The following GLRA2 variants were observed in gnomAD, a reference collection of about 807,000 sequenced individuals.
GLRA2 encodes the protein glycine receptor alpha 2.
Under a neutral mutation model 31.6 loss-of-function variants are expected in GLRA2, and 11 were observed. That is an observed-to-expected ratio of 0.35 (90% confidence interval 0.22 to 0.58). The LOEUF is 0.58. GLRA2 is among the 20% of genes least tolerant of loss of function. GLRA2 has a pLI of 0.84. For missense variants in GLRA2, 212 were observed against 351.8 expected (o/e 0.60, Z 3.18); for synonymous variants, 132 against 134.0 (o/e 0.99, Z 0.10).
At chrX:14,488,767 A>C in the GLRA2 span, among the ~76,000 whole-genome samples, 2 of 112,773 alleles carry the variant, frequency 1.8e-5, no homozygotes, top group South Asian at 7.2e-4. Context: ...ACAAGTATTC[A>C]TAGCTATAAC....
At chrX:14,672,725 T>C (rs2091106756) in intron 7 of GLRA2, among the ~76,000 whole-genome samples, 1 of 112,073 alleles carries the variant, frequency 8.9e-6, no homozygotes, top group South Asian at 3.7e-4. Context: ...CCACATTAAT[T>C]ACAAACCTTT....
chrX:14,489,125 T>C, the GLRA2 span, among the ~76,000 whole-genome samples: 1 of 112,383 alleles, frequency 8.9e-6, no homozygotes, highest in African/African-American at 3.2e-5. Flanking sequence ...GGTTAATATA[T>C]GGTGGTTATT....
Position 14,529,727 on chromosome X carries a change from C to T in GLRA2, c.-331C>T. On this transcript the variant is annotated 5_prime_UTR_variant, in exon 1 of 9. Coordinates refer to ENST00000218075, the MANE Select transcript of GLRA2 (RefSeq NM_002063.4). Reference sequence around the variant, plus strand: ...CAAAAGCCACAGCTATCTAGCATGGCATTGTCACCAACTCCCTTTGCATGG... The same window carrying T: ...CAAAAGCCACAGCTATCTAGCATGGTATTGTCACCAACTCCCTTTGCATGG... 3.6e-6 allele frequency: 1 copy of T among 275,383 alleles called. No homozygotes were observed. Among genetic ancestry groups the T allele is most frequent in the Non-Finnish European group, 6.3e-6 (1 of 158,416 alleles). 22.7% of individuals were successfully genotyped at this position (275,383 alleles called of 1,213,427 possible). A position where few individuals can be genotyped will look rare whatever the true frequency, so the allele number is the denominator to read the frequency against.
the GLRA2 span, among the ~76,000 whole-genome samples, chrX:14,513,110 C>T: frequency 1.8e-5 from 2 of 111,360 alleles, no homozygotes; most frequent in Non-Finnish European, 3.8e-5. Flanking sequence ...AGAAATAAAG[C>T]TAAATATAGC....
chrX:14,483,777 G>T, the GLRA2 span, among the ~76,000 whole-genome samples: 1 of 112,166 alleles, frequency 8.9e-6, no homozygotes, highest in African/African-American at 3.2e-5. Context: ...TCCTGGGTGT[G>T]TCTGTGAGGG....
intron 7 of GLRA2, among the ~76,000 whole-genome samples, chrX:14,674,499 C>T (rs2091123852): frequency 9.0e-6 from 1 of 111,335 alleles, no homozygotes; most frequent in Admixed American, 9.5e-5. Context: ...TACAATCTGC[C>T]AAATGAGTGT....
At chrX:14,495,884 G>A in the GLRA2 span, among the ~76,000 whole-genome samples, 1 of 110,322 alleles carries the variant, frequency 9.1e-6, no homozygotes, top group Admixed American at 9.7e-5. Flanking sequence ...GACCACTCTG[G>A]GCCTGGGAAA....
At chrX:14,647,542 A>C (rs990139861) in intron 7 of GLRA2, among the ~76,000 whole-genome samples, 4 of 111,913 alleles carry the variant, frequency 3.6e-5, no homozygotes, top group Non-Finnish European at 7.5e-5. Context: ...ACAGGAGACC[A>C]ATGGGACCCT....
chrX:14,601,054 TATTTC>T (rs1264168805), intron 4 of GLRA2, among the ~76,000 whole-genome samples: 3 of 110,265 alleles, frequency 2.7e-5, no homozygotes, highest in Non-Finnish European at 5.7e-5. Flanking sequence ...ATTCTGTCCT[TATTTC>T]AAAGAGTTCA....
At chrX:14,525,146 A>AT (rs1360018130), upstream of GLRA2, among the ~76,000 whole-genome samples, 1 of 111,462 alleles carries the variant, frequency 9.0e-6, no homozygotes, top group Non-Finnish European at 1.9e-5. Context: ...TTTTATATCT[A>AT]TTTTTTAAAG....
At chrX:14,546,879 T>C (rs747920606) in intron 2 of GLRA2, among the ~76,000 whole-genome samples, 1 of 111,687 alleles carries the variant, frequency 9.0e-6, no homozygotes, top group East Asian at 2.8e-4. Context: ...TTTGGAGCCA[T>C]GTGCTAACAA....
At chrX:14,461,144 T>C in the GLRA2 span, among the ~76,000 whole-genome samples, 1 of 112,397 alleles carries the variant, frequency 8.9e-6, no homozygotes, top group Non-Finnish European at 1.9e-5. Flanking sequence ...AGCAGGTTGT[T>C]CAGTTTCCAT....
chrX:14,676,522 T>A (rs887750981), intron 7 of GLRA2, among the ~76,000 whole-genome samples: 18 of 112,222 alleles, frequency 1.6e-4, no homozygotes, highest in African/African-American at 5.8e-4. Flanking sequence ...TTCTCTGGGG[T>A]CAGCCTAGGG....
At chrX:14,572,635 G>A (rs1178699695) in intron 2 of GLRA2, among the ~76,000 whole-genome samples, 3 of 112,599 alleles carry the variant, frequency 2.7e-5, no homozygotes, top group South Asian at 7.3e-4. Flanking sequence ...CATCATGGCA[G>A]ATGCTGACAT....
chrX:14,545,068 T>C (rs1476732419), intron 2 of GLRA2, among the ~76,000 whole-genome samples: 1 of 111,892 alleles, frequency 8.9e-6, no homozygotes, highest in African/African-American at 3.2e-5. Context: ...AATCCTTTAT[T>C]TGAGACAAAG....
intron 7 of GLRA2, among the ~76,000 whole-genome samples, chrX:14,609,916 C>T (rs182144155): frequency 1.8e-5 from 2 of 110,884 alleles, no homozygotes; most frequent in Non-Finnish European, 1.9e-5. Flanking sequence ...AATAATAATC[C>T]ATAAGTGGCT....
At chrX:14,700,464 GAGA>G (rs1372342953) in intron 8 of GLRA2, among the ~76,000 whole-genome samples, 1 of 111,387 alleles carries the variant, frequency 9.0e-6, no homozygotes, top group Non-Finnish European at 1.9e-5. Context: ...GAGAGAGACA[GAGA>G]AGGTCAGACG....
At chrX:14,615,115 A>G (rs150937663) in intron 7 of GLRA2, among the ~76,000 whole-genome samples, 5 of 111,774 alleles carry the variant, frequency 4.5e-5, no homozygotes, top group East Asian at 5.7e-4. Context: ...ATATAAATAT[A>G]CACTCTTAAT....
At chrX:14,725,602 ACT>A (rs2091920909) in intron 8 of GLRA2, among the ~76,000 whole-genome samples, 1 of 111,427 alleles carries the variant, frequency 9.0e-6, no homozygotes, top group South Asian at 3.7e-4. Context: ...ACAAATATAG[ACT>A]CTGCTAAAAT....
Sources: gnomAD v4.1 joint callset for allele counts (sites outside exome capture counted in the v4.1 genomes callset) on GRCh38, gnomAD v4.1.1 for gene constraint, MANE v1.5 for transcripts, NCBI Gene and HGNC (gene_info 2026-07-23, HGNC 2026-07-21) for gene names.